STAU2: variants seen among roughly 807,000 people sequenced by gnomAD.
STAU2 encodes the protein staufen double-stranded RNA binding protein 2.
A neutral mutation model predicts 65.9 loss-of-function variants in STAU2; 20 were observed. That is an observed-to-expected ratio of 0.30 (90% CI 0.21 to 0.44). The LOEUF is 0.44. Ranked by LOEUF, STAU2 falls within the 20% of genes least tolerant of loss-of-function variation. The pLI is 1.00. For missense variants in STAU2, 558 were observed against 683.9 expected (o/e 0.82, Z 2.05); for synonymous variants, 232 against 233.9 (o/e 0.99, Z 0.07).
intron 6 of STAU2, among the ~76,000 whole-genome samples, chr8:73,646,501 G>A (rs1235301161): frequency 1.3e-5 from 2 of 152,156 alleles, no homozygotes; most frequent in East Asian, 1.9e-4. Flanking sequence ...AACAAATGGT[G>A]CTGAACAACT....
intron 13 of STAU2, among the ~76,000 whole-genome samples, chr8:73,484,571 C>G (rs1250643398): frequency 2.6e-5 from 4 of 151,998 alleles, no homozygotes; most frequent in Non-Finnish European, 5.9e-5. Flanking sequence ...TCAGATTCAC[C>G]TATTACTTAC....
chr8:73,502,666 A>T (rs1335954950), intron 13 of STAU2, among the ~76,000 whole-genome samples: 2 of 151,986 alleles, frequency 1.3e-5, no homozygotes. Context: ...TTCTGCATAA[A>T]ATTCTCTTTG....
rs904438178 is a variant in STAU2, at chr8:73,539,767, T to C, written c.1530+12245A>G. ...CTGAGGCAAGATAATCGCTTGAACC[T>C]GGGAGGCGGAGGCTGCAGTGGGCTG... On this transcript the variant is annotated intron_variant, in intron 13 of 14. Coordinates refer to ENST00000524300, the MANE Select transcript of STAU2 (RefSeq NM_001164380.2). Among the ~76,000 whole-genome samples, 10 of 150,366 alleles carry C rather than the reference T, an allele frequency of 6.7e-5. No individual in the cohort carries two copies. In the East Asian group the frequency reaches 1.6e-3, roughly 24 times the overall value.
At chr8:73,626,937 A>G (rs1353198578) in intron 6 of STAU2, among the ~76,000 whole-genome samples, 1 of 151,900 alleles carries the variant, frequency 6.6e-6, no homozygotes, top group Admixed American at 6.6e-5. Context: ...AAAGGACACC[A>G]CCCTATTTCT....
chr8:73,679,190 A>G (rs1306450370), intron 5 of STAU2, among the ~76,000 whole-genome samples: 1 of 152,204 alleles, frequency 6.6e-6, no homozygotes, highest in Non-Finnish European at 1.5e-5. Context: ...TTAATACACT[A>G]TGTCCAAAAT....
chr8:73,558,221 G>A (rs542243070), intron 12 of STAU2, among the ~76,000 whole-genome samples: 12 of 152,272 alleles, frequency 7.9e-5, no homozygotes, highest in East Asian at 3.9e-4. Flanking sequence ...GTAAATGCCC[G>A]GGGTTTGCCC....
chr8:73,588,254 C>T (rs1810517067), intron 11 of STAU2, among the ~76,000 whole-genome samples: 1 of 152,086 alleles, frequency 6.6e-6, no homozygotes, highest in African/African-American at 2.4e-5. Flanking sequence ...ATAGGACTCA[C>T]AAAAATGTTA....
intron 6 of STAU2, among the ~76,000 whole-genome samples, chr8:73,637,076 T>G (rs1814579089): frequency 6.6e-6 from 1 of 151,162 alleles, no homozygotes; most frequent in South Asian, 2.1e-4. Flanking sequence ...TTAAGATTAA[T>G]CAACAGAAAT....
At chr8:73,576,165 T>G (rs1369641078) in intron 12 of STAU2, among the ~76,000 whole-genome samples, 4 of 152,112 alleles carry the variant, frequency 2.6e-5, no homozygotes, top group African/African-American at 9.7e-5. Context: ...CTCTTATACA[T>G]GTGCACCCAT....
chr8:73,561,716 C>T (rs12546339), intron 12 of STAU2, among the ~76,000 whole-genome samples: 52,695 of 152,052 alleles, frequency 0.35, 10,535 homozygotes, highest in Non-Finnish European at 0.45. Context: ...TACCTGCAAA[C>T]GGCTCACAAT....
At chr8:73,427,112 G>A (rs1816883952) in intron 13 of STAU2, among the ~76,000 whole-genome samples, 1 of 152,008 alleles carries the variant, frequency 6.6e-6, no homozygotes. Flanking sequence ...GTTTTTAGTA[G>A]AGATGGGGTT....
intron 13 of STAU2, among the ~76,000 whole-genome samples, chr8:73,459,528 T>G (rs1819234606): frequency 6.6e-6 from 1 of 152,174 alleles, no homozygotes; most frequent in African/African-American, 2.4e-5. Context: ...GGAGCTGCAT[T>G]TTTACCCTTC....
chr8:73,551,659 A>T (rs1403754300), intron 13 of STAU2: 10 of 1,002,466 alleles, frequency 1.0e-5, no homozygotes, highest in Non-Finnish European at 1.2e-5. Flanking sequence ...TGAAATACTA[A>T]CACCAAATGT....
intron 11 of STAU2, among the ~76,000 whole-genome samples, chr8:73,585,492 A>T (rs576174019): frequency 6.6e-6 from 1 of 152,260 alleles, no homozygotes; most frequent in Non-Finnish European, 1.5e-5. Context: ...AAACATGTAT[A>T]TATTATACAA....
intron 13 of STAU2, among the ~76,000 whole-genome samples, chr8:73,498,786 C>T (rs1044978124): frequency 6.6e-6 from 1 of 151,790 alleles, no homozygotes; most frequent in Admixed American, 6.6e-5. Context: ...ATATGTTTTT[C>T]AACTACCCCA....
chr8:73,705,702 A>G (rs1216262457), intron 4 of STAU2, among the ~76,000 whole-genome samples: 1 of 152,216 alleles, frequency 6.6e-6, no homozygotes, highest in Non-Finnish European at 1.5e-5. Flanking sequence ...CAGAAAAATA[A>G]AAGAAGACAA....
intron 6 of STAU2, among the ~76,000 whole-genome samples, chr8:73,658,111 C>G (rs1259756869): frequency 6.6e-6 from 1 of 152,102 alleles, no homozygotes; most frequent in East Asian, 1.9e-4. Flanking sequence ...CGCCTGTAAT[C>G]CCAGCACTCT....
chr8:73,608,144 T>C (rs1408053897), intron 9 of STAU2, among the ~76,000 whole-genome samples: 3 of 152,184 alleles, frequency 2.0e-5, no homozygotes, highest in East Asian at 1.9e-4. Context: ...AGGCATGATA[T>C]GATTAGACAG....
chr8:73,695,918 T>C (rs1819667970), intron 4 of STAU2, among the ~76,000 whole-genome samples: 1 of 152,126 alleles, frequency 6.6e-6, no homozygotes, highest in Non-Finnish European at 1.5e-5. Flanking sequence ...ACAGCACCTC[T>C]GGACACACCT....
Sources: gnomAD v4.1 joint callset for allele counts (sites outside exome capture counted in the v4.1 genomes callset) on GRCh38, gnomAD v4.1.1 for gene constraint, MANE v1.5 for transcripts, NCBI Gene and HGNC (gene_info 2026-07-23, HGNC 2026-07-21) for gene names.